The following FAM107B variants were observed in gnomAD, a reference collection of about 807,000 sequenced individuals.
FAM107B encodes the protein family with sequence similarity 107 member B.
Under a neutral mutation model 31.5 loss-of-function variants are expected in FAM107B, and 21 were observed. That is an observed-to-expected ratio of 0.67 (90% CI 0.47 to 0.96). The LOEUF is 0.96. Among genes scored for constraint, FAM107B ranks in the 40% least tolerant of loss-of-function variants. The pLI is 0.00. For missense variants in FAM107B, 452 were observed against 377.1 expected (o/e 1.20, Z -1.64); for synonymous variants, 157 against 141.5 (o/e 1.11, Z -0.78).
intron 2 of FAM107B, among the ~76,000 whole-genome samples, chr10:14,600,381 C>T (rs1327652054): frequency 6.6e-6 from 1 of 152,168 alleles, no homozygotes; most frequent in Non-Finnish European, 1.5e-5. Context: ...ACTGAACAGT[C>T]CACCTCATCT....
intron 1 of FAM107B, among the ~76,000 whole-genome samples, chr10:14,700,530 G>A (rs1855372379): frequency 6.6e-6 from 1 of 151,932 alleles, no homozygotes. Flanking sequence ...GCAATAAAAA[G>A]ATCAATGTCC....
chr10:14,664,591 T>A (rs954551331), intron 2 of FAM107B, among the ~76,000 whole-genome samples: 8 of 152,328 alleles, frequency 5.3e-5, no homozygotes, highest in Non-Finnish European at 1.2e-4. Flanking sequence ...CTAGAAGCAA[T>A]AGGCTACATC....
chr10:14,582,620 G>GC (rs1040453770), intron 2 of FAM107B, among the ~76,000 whole-genome samples: 3 of 151,326 alleles, frequency 2.0e-5, no homozygotes, highest in East Asian at 1.9e-4. Flanking sequence ...CTTGTGATCT[G>GC]CCCCCCTCGG....
chr10:14,577,613 A>G (rs909204049), intron 2 of FAM107B, among the ~76,000 whole-genome samples: 2 of 152,182 alleles, frequency 1.3e-5, no homozygotes, highest in Non-Finnish European at 2.9e-5. Flanking sequence ...AGATCCTGGG[A>G]TTTCAGCTCC....
intron 1 of FAM107B, among the ~76,000 whole-genome samples, chr10:14,769,348 C>A (rs1833249883): frequency 6.6e-6 from 1 of 152,042 alleles, no homozygotes; most frequent in Admixed American, 6.6e-5. Flanking sequence ...CCAAGATGGG[C>A]CCTGTTTCCC....
intron 1 of FAM107B, among the ~76,000 whole-genome samples, chr10:14,741,365 A>G (rs868026346): frequency 6.6e-6 from 1 of 152,192 alleles, no homozygotes; most frequent in African/African-American, 2.4e-5. Context: ...TGTTTGCCCC[A>G]CCTGAGAGCA....
intron 1 of FAM107B, among the ~76,000 whole-genome samples, chr10:14,693,702 G>T (rs1328426077): frequency 1.3e-5 from 2 of 152,004 alleles, no homozygotes; most frequent in Non-Finnish European, 2.9e-5. Context: ...TCCTAGACAT[G>T]TTATCCTACG....
intron 1 of FAM107B, among the ~76,000 whole-genome samples, chr10:14,676,447 C>G (rs539579759): frequency 6.6e-6 from 1 of 152,310 alleles, no homozygotes; most frequent in South Asian, 2.1e-4. Context: ...AGAGTCTACA[C>G]CCTCTCTTAA....
intron 2 of FAM107B, among the ~76,000 whole-genome samples, chr10:14,629,218 A>G (rs1308442684): frequency 7.1e-6 from 1 of 140,214 alleles, no homozygotes; most frequent in Non-Finnish European, 1.5e-5. Context: ...ATTTATATTT[A>G]TATAATACAT....
Position 14,576,737 on chromosome 10 carries a change from C to T in FAM107B, c.470-46222G>A, listed in dbSNP as rs537141247. On this transcript the variant is annotated intron_variant, in intron 2 of 4. Transcript: ENST00000181796. ...ACTTTATTTTTTTCTATCTATAAAACAGGAATAAGGCTACTTACTACAAAA... is the reference window on the plus strand; with the variant it reads ...ACTTTATTTTTTTCTATCTATAAAATAGGAATAAGGCTACTTACTACAAAA... Among the ~76,000 whole-genome samples, 6 of 152,194 alleles carry T rather than the reference C, an allele frequency of 3.9e-5. No homozygotes were observed. The East Asian group carries it at 1.2e-3, about 29-fold the overall frequency.
intron 1 of FAM107B, among the ~76,000 whole-genome samples, chr10:14,767,055 T>TATATATATAGAGAGAGAGAG (rs1440609298): frequency 5.5e-5 from 1 of 18,280 alleles, no homozygotes; most frequent in Non-Finnish European, 1.1e-4. Context: ...TATATATATA[T>TATATATATAGAGAGAGAGAG]AGAGAGAGAG....
At position 14,628,112 on chromosome 10, in the gene FAM107B, G is replaced by GTTTTTTTTTTTTTTTTTT. The variant is rs71505033; in HGVS notation, c.469+39504_469+39521dup. Among the ~76,000 whole-genome samples the GTTTTTTTTTTTTTTTTTT allele has an allele frequency of 3.5e-4, 32 of 92,682 alleles. 1 individual carries two copies. Among genetic ancestry groups the GTTTTTTTTTTTTTTTTTT allele is most frequent in the Non-Finnish European group, 4.9e-4 (23 of 47,166 alleles). The allele number at this position is 92,682 out of a possible 152,430, so 60.8% of individuals were successfully genotyped here. A position where few individuals can be genotyped will look rare whatever the true frequency, so the allele number is the denominator to read the frequency against. ...TCCTTGTTTGTTTTTTGTTTTGCTG[G>GTTTTTTTTTTTTTTTTTT]TTTTTTTTTTTTTTTTTTTTTGAGA... On this transcript the variant is annotated intron_variant, in intron 2 of 4. Coordinates refer to ENST00000181796, the MANE Select transcript of FAM107B (RefSeq NM_031453.4).
rs1390961589 is a variant in FAM107B, at chr10:14,684,853, CTCTG to C, written c.412-17166_412-17163del. Reference sequence around the variant, plus strand: ...TTTTTTTTTTTGAGACAAAACCTCACTCTGTCACCCAGGCTGGAGTGCAGGGGAG... The same window carrying C: ...TTTTTTTTTTTGAGACAAAACCTCACTCACCCAGGCTGGAGTGCAGGGGAG... On this transcript the variant is annotated intron_variant, in intron 1 of 4. Coordinates refer to ENST00000181796, the MANE Select transcript of FAM107B (RefSeq NM_031453.4). Among the ~76,000 whole-genome samples, 6 of 151,322 alleles carry C rather than the reference CTCTG, an allele frequency of 4.0e-5. No individual in the cohort carries two copies. In the East Asian group the frequency reaches 1.2e-3, roughly 29 times the overall value.
intron 1 of FAM107B, among the ~76,000 whole-genome samples, chr10:14,688,429 TG>T (rs766977406): frequency 5.1e-4 from 78 of 152,218 alleles, no homozygotes; most frequent in Non-Finnish European, 1.0e-3. Flanking sequence ...TAGAGAACTG[TG>T]ACTAATACAC....
chr10:14,555,769 G>A (rs1849636747), intron 2 of FAM107B: 1 of 152,366 alleles, frequency 6.6e-6, no homozygotes, highest in Middle Eastern at 3.4e-3. Flanking sequence ...CACCCAGGAG[G>A]CTCTGTGCCT....
intron 2 of FAM107B, among the ~76,000 whole-genome samples, chr10:14,544,818 T>C (rs551823001): frequency 7.9e-5 from 12 of 152,208 alleles, no homozygotes; most frequent in African/African-American, 2.9e-4. Context: ...GAATAAATAA[T>C]GAAAGGGAAA....
At chr10:14,677,259 C>T (rs911709339) in intron 1 of FAM107B, among the ~76,000 whole-genome samples, 1 of 152,200 alleles carries the variant, frequency 6.6e-6, no homozygotes, top group Non-Finnish European at 1.5e-5. Flanking sequence ...CTACTCGGCT[C>T]TCAAACCCGT....
chr10:14,724,752 C>T (rs1855990840), intron 1 of FAM107B, among the ~76,000 whole-genome samples: 1 of 151,758 alleles, frequency 6.6e-6, no homozygotes, highest in Non-Finnish European at 1.5e-5. Flanking sequence ...ATAGTGAGGA[C>T]AGGAAAAAGA....
At position 14,758,161 on chromosome 10, in the gene FAM107B, C is replaced by T. The variant is rs112436027; in HGVS notation, c.411+16092G>A. Among the ~76,000 whole-genome samples the T allele has an allele frequency of 3.7e-3, 565 of 152,318 alleles. 6 individuals carry two copies. Among genetic ancestry groups the T allele is most frequent in the South Asian group, 0.03 (143 of 4,826 alleles). On this transcript the variant is annotated intron_variant, in intron 1 of 4. Coordinates refer to ENST00000181796, the MANE Select transcript of FAM107B (RefSeq NM_031453.4). ...AAGAGTAATTTAAAAACGGTGAATA[C>T]GTCATGGAAACTTCCTTTTCCCTTC...
Sources: allele counts gnomAD v4.1 joint callset (sites outside exome capture counted in the v4.1 genomes callset), GRCh38; gene constraint gnomAD v4.1.1; transcripts MANE v1.5; gene names NCBI Gene and HGNC (gene_info 2026-07-23, HGNC 2026-07-21).